ARAP3: variants seen among roughly 807,000 people sequenced by gnomAD.
The protein encoded by ARAP3 is ArfGAP with RhoGAP domain, ankyrin repeat and PH domain 3.
Under a neutral mutation model 169.2 loss-of-function variants are expected in ARAP3, and 82 were observed. That is an observed-to-expected ratio of 0.48 (90% CI 0.41 to 0.58). ARAP3 has a LOEUF of 0.58. Among genes scored for constraint, ARAP3 ranks in the 20% least tolerant of loss-of-function variants. ARAP3 has a pLI of 0.00. For synonymous variants in ARAP3, 791 were observed against 800.3 expected (o/e 0.99, Z 0.20); for missense variants, 1,764 against 2,018.0 (o/e 0.87, Z 2.41).
At chr5:141,680,688 G>C (rs1476937230) in intron 1 of ARAP3, 185 bp from the exon 2 acceptor site, 1 of 959,312 alleles carries the variant, frequency 1.0e-6, no homozygotes, top group African/African-American at 1.7e-5. Context: ...TTAGGGAAGG[G>C]ACTTCATTTG....
Position 141,672,957 on chromosome 5 carries a change from G to C in ARAP3, c.1094-32C>G, listed in dbSNP as rs1471472592. On this transcript the variant is annotated intron_variant, in intron 7 of 32. Coordinates refer to ENST00000239440, the MANE Select transcript of ARAP3 (RefSeq NM_022481.6). This position sits in a 1 kb window ranked among gnomAD's most constrained non-coding sequence, Gnocchi z 4.9. ...GGGATGGAGAAGCAGGTCAGTGGCT[G>C]TTGCTCACACAGCCTCCCTCCCTCC... 1 of 1,612,446 alleles carries C rather than the reference G, an allele frequency of 6.2e-7. No individual in the cohort carries two copies. The highest frequency in any genetic ancestry group is 8.5e-7 in the Non-Finnish European group (1 of 1,179,128).
chr5:141,682,201 G>A lies in ARAP3; in HGVS notation c.-46C>T, dbSNP rs1283445340. The A allele has an allele frequency of 6.6e-6, 1 of 152,352 alleles. No individual in the cohort carries two copies. The highest frequency in any genetic ancestry group is 2.4e-5 in the African/African-American group (1 of 41,442). 9.4% of individuals were successfully genotyped at this position (152,352 alleles called of 1,614,324 possible). On this transcript the variant is annotated 5_prime_UTR_variant, in exon 1 of 33. Transcript: ENST00000239440. ...ACTACGCGGCCGCCGTCCGCTCGCG[G>A]GTGCCCGCCGCTCGTCCGAGGTTCT...
chr5:141,680,712 T>C (rs1239202082), intron 1 of ARAP3: 1 of 810,000 alleles, frequency 1.2e-6, no homozygotes, highest in African/African-American at 1.7e-5. Flanking sequence ...TTAAGGAAAC[T>C]GAGGCCCAGA....
At position 141,673,450 on chromosome 5, in the gene ARAP3, C is replaced by T. The variant is rs772015310; in HGVS notation, c.923G>A (p.Arg308His). The change falls in exon 6 of 33, where the codon CGC becomes CAC. Residue 308 changes from arginine (R) to histidine (H), a missense_variant. Physicochemically the swap from Arg to His is conservative, Grantham distance 29 (BLOSUM62 0). Transcript: ENST00000239440. ...ACTCCTCCCATTGAACTGCACAAAG[C>T]GTCTCTGGAAGACATAGTTTCTGAG... ...SPQGNYVFQR[R>H]FVQFNGRSLM... 3.7e-6 allele frequency: 6 copies of T among 1,614,122 alleles called. No individual in the cohort carries two copies. The highest frequency in any genetic ancestry group is 5.1e-6 in the Non-Finnish European group (6 of 1,180,030).
chr5:141,655,466 A>G, intron 31 of ARAP3, 66 bp from the exon 32 acceptor site: 2 of 1,574,664 alleles, frequency 1.3e-6, no homozygotes, highest in Non-Finnish European at 1.7e-6. Context: ...GACTAGCAAC[A>G]GGAGACAGGG....
chr5:141,671,917 A>T lies in ARAP3; in HGVS notation c.1649T>A (p.Val550Asp). 1 of 1,614,060 alleles carries T rather than the reference A, an allele frequency of 6.2e-7. No individual in the cohort carries two copies. Among genetic ancestry groups the T allele is most frequent in the Non-Finnish European group, 8.5e-7 (1 of 1,179,998 alleles). ...CACCTGTACTATCTCATTACTCCAG[A>T]CACTCGTGTCCAGCTTCAGGCTCTG... Reference protein sequence around the residue: ...KVQSLKLDTSVWSNEIVQLFI... With the variant: ...KVQSLKLDTSDWSNEIVQLFI... The change falls in exon 11 of 33, where the codon GTC (valine) becomes GAC (aspartate). Residue 550 changes from valine (V) to aspartate (D), a missense_variant. By Grantham distance (152) the Val-to-Asp change is radical (BLOSUM62 -3). Coordinates refer to ENST00000239440, the MANE Select transcript of ARAP3 (RefSeq NM_022481.6). The surrounding 1 kb of genome is among the most constrained non-coding windows in gnomAD (Gnocchi z 4.9).
At chr5:141,670,717 A>T (rs1283132323) in intron 13 of ARAP3, 89 bp from the exon 14 acceptor site, 2 of 1,120,558 alleles carry the variant, frequency 1.8e-6, no homozygotes, top group Non-Finnish European at 1.3e-6. Flanking sequence ...GGAGAAAGAC[A>T]GTGGGACCTG....
chr5:141,656,250 AG>A lies in ARAP3; in HGVS notation c.3815del (p.Pro1272LeufsTer15). The A allele has an allele frequency of 1.9e-6, 3 of 1,614,174 alleles. No homozygotes were observed. The highest frequency in any genetic ancestry group is 2.5e-6 in the Non-Finnish European group (3 of 1,180,032). Reference protein sequence around the residue: ...KKSSKPEREWPLEGAKVYLGI... With the variant: ...KKSSKPEREWXLEGAKVYLGI... Reference sequence around the variant, plus strand: ...CCAGGTAGACCTTGGCACCTTCCAAAGGCCACTCCCGTTCTGGTTTAGAGCT... The same window carrying A: ...CCAGGTAGACCTTGGCACCTTCCAAAGCCACTCCCGTTCTGGTTTAGAGCT... On this transcript the variant is annotated frameshift_variant, in exon 28 of 33. Transcript: ENST00000239440. LOFTEE classifies it high-confidence loss of function.
intron 27 of ARAP3, 32 bp downstream of exon 27, chr5:141,656,472 A>G: frequency 1.2e-6 from 2 of 1,604,326 alleles, no homozygotes; most frequent in Non-Finnish European, 8.5e-7. Context: ...ATGGCCACCC[A>G]GCATCCCACA....
chr5:141,669,652 G>A, intron 16 of ARAP3, 57 bp downstream of exon 16: 1 of 1,511,718 alleles, frequency 6.6e-7, no homozygotes, highest in Non-Finnish European at 9.2e-7. Flanking sequence ...GAGAAGATGG[G>A]AGCACGTGGG....
chr5:141,679,732 T>A, intron 3 of ARAP3, 29 bp downstream of exon 3: 3 of 1,613,992 alleles, frequency 1.9e-6, no homozygotes, highest in Non-Finnish European at 1.7e-6. Flanking sequence ...GCACTATCCC[T>A]CTCCCCCAAC....
At position 141,654,280 on chromosome 5, in the gene ARAP3, T is replaced by G. The variant is rs778063725; in HGVS notation, c.4305A>C (p.Pro1435=). 4 of 1,614,026 alleles carry G rather than the reference T, an allele frequency of 2.5e-6. No individual in the cohort carries two copies. The highest frequency in any genetic ancestry group is 3.4e-6 in the Non-Finnish European group (4 of 1,180,012). The change falls in exon 33 of 33, where the codon CCA becomes CCC. Residue 1435 remains proline, a synonymous_variant. Coordinates refer to ENST00000239440, the MANE Select transcript of ARAP3 (RefSeq NM_022481.6). The part of the protein sequence containing the change: ...FSTTREWTVK[P]ENPLTSQKSL... ...ACTTCTGGCTGGTGAGGGGGTTCTC[T>G]GGCTTCACTGTCCACTCCCGTGTGG...
Position 141,656,815 on chromosome 5 carries a change from T to G in ARAP3, c.3558A>C (p.Leu1186Phe). The change falls in exon 26 of 33, where the codon TTA becomes TTC. Residue 1186 changes from leucine (L) to phenylalanine (F), a missense_variant. Leu to Phe is a conservative substitution (Grantham distance 22). Transcript: ENST00000239440. ...GCTGGCACCATTGTAAAGCCTGCTC[T>G]AAGACCTTTTCCTTGGGATGCAGTG... ...ERPLHPKEKV[L>F]EQALQWCQLP... The G allele has an allele frequency of 6.2e-7, 1 of 1,613,314 alleles. No homozygotes were observed. Among genetic ancestry groups the G allele is most frequent in the Non-Finnish European group, 8.5e-7 (1 of 1,179,690 alleles).
chr5:141,665,644 T>A (rs942059096), intron 17 of ARAP3, among the ~76,000 whole-genome samples: 2 of 152,074 alleles, frequency 1.3e-5, no homozygotes, highest in Non-Finnish European at 2.9e-5. Flanking sequence ...TAAAATATTA[T>A]CTTACATTGT....
intron 26 of ARAP3, 34 bp from the exon 27 acceptor site, chr5:141,656,671 G>A (rs538965649): frequency 6.2e-7 from 1 of 1,613,356 alleles, no homozygotes; most frequent in African/African-American, 1.3e-5. Flanking sequence ...GGTGGAGGAT[G>A]CTAGGGGAGA....
chr5:141,668,612 GA>G (rs2099911004), intron 16 of ARAP3, among the ~76,000 whole-genome samples: 2 of 152,140 alleles, frequency 1.3e-5, no homozygotes, highest in Non-Finnish European at 2.9e-5. Context: ...ATAATAATGA[GA>G]GGAGACTTAA....
At chr5:141,656,010 A>G in intron 29 of ARAP3, 54 bp downstream of exon 29, 1 of 1,613,956 alleles carries the variant, frequency 6.2e-7, no homozygotes, top group Non-Finnish European at 8.5e-7. Context: ...AGGGAAGAGA[A>G]AAGACAGGGT....
rs749574450 is a variant in ARAP3 at position 141,654,308 on chromosome 5, GAGA to G, written c.4274_4276del (p.Phe1425del). On this transcript the variant is annotated inframe_deletion, in exon 33 of 33. Coordinates refer to ENST00000239440, the MANE Select transcript of ARAP3 (RefSeq NM_022481.6). The stretch of plus-strand genomic sequence containing the variant: ...CTTCACTGTCCACTCCCGTGTGGTG[GAGA>G]AGGAGGTAGAAGTGTCCTGGATCAA... 311 of 1,614,140 alleles carry G rather than the reference GAGA, an allele frequency of 1.9e-4. No individual in the cohort carries two copies. In the African/African-American group the frequency reaches 3.7e-3, roughly 19 times the overall value.
chr5:141,659,984 T>C (rs556020491), intron 21 of ARAP3, 58 bp from the exon 22 acceptor site: 2 of 1,512,660 alleles, frequency 1.3e-6, no homozygotes, highest in Admixed American at 4.1e-5. Flanking sequence ...AAACACTTAT[T>C]GAGTCCCTAT....
Sources: gnomAD v4.1 joint callset for allele counts (sites outside exome capture counted in the v4.1 genomes callset) on GRCh38, gnomAD v4.1.1 for gene constraint, Gnocchi (gnomAD v3.1) non-coding constraint, MANE v1.5 for transcripts, NCBI Gene and HGNC (gene_info 2026-07-23, HGNC 2026-07-21) for gene names.